MICALL1: variants seen among roughly 807,000 people sequenced by gnomAD.
MICALL1 encodes the protein MICAL like 1.
MICALL1 carries 61 observed loss-of-function variants against 83.7 expected under a neutral mutation model. That is an observed-to-expected ratio of 0.73 (90% CI 0.59 to 0.90). The LOEUF (loss-of-function observed/expected upper bound fraction) is 0.90. Among genes scored for constraint, MICALL1 ranks in the 40% least tolerant of loss-of-function variants. The pLI is 0.00. For synonymous variants in MICALL1, 481 were observed against 473.6 expected, an observed-to-expected ratio of 1.02 and a Z score of -0.20; for missense variants, 1,066 against 1,152.0, an observed-to-expected ratio of 0.93 and a Z score of 1.08.
At chr22:37,936,264 A>G (rs1034080550) in intron 13 of MICALL1, among the ~76,000 whole-genome samples, 5 of 152,142 alleles carry the variant, frequency 3.3e-5, no homozygotes, top group Admixed American at 1.3e-4. Flanking sequence ...CCCTGCCCCC[A>G]GCATCCCCTC....
Position 37,942,330 on chromosome 22 carries a change from C to T in MICALL1, c.*1500C>T, listed in dbSNP as rs550398092. 1,085 of 152,358 alleles carry T rather than the reference C, an allele frequency of 7.1e-3. 13 individuals carry two copies. Among genetic ancestry groups the T allele is most frequent in the Non-Finnish European group, 1.0e-2 (678 of 68,060 alleles). The allele number at this position is 152,358 out of a possible 1,614,324, so 9.4% of individuals were successfully genotyped here. On this transcript the variant is annotated 3_prime_UTR_variant, in exon 16 of 16. Coordinates refer to ENST00000215957, the MANE Select transcript of MICALL1 (RefSeq NM_033386.4). ...GAGTGACAGCTCTGACGGGCTGTTTCGGTGTCAGGAGACAAAGCTGGCAGG... is the reference window on the plus strand; with the variant it reads ...GAGTGACAGCTCTGACGGGCTGTTTTGGTGTCAGGAGACAAAGCTGGCAGG...
In MICALL1 at chr22:37,922,389, C is replaced by G; in HGVS notation, c.987C>G (p.Asn329Lys). 1.3e-6 allele frequency: 2 copies of G among 1,534,306 alleles called. No individual in the cohort carries two copies. The highest frequency in any genetic ancestry group is 8.7e-7 in the Non-Finnish European group (1 of 1,143,542). ...PRPRSSLQQE[N>K]LVEQAGSSSL... ...CCCGCTCCAGTCTGCAGCAGGAGAA[C>G]CTGGTGGAGCAGGCTGGCAGCAGCA... Residue 329 changes from asparagine (N) to lysine (K), a missense_variant, in exon 6 of 16, where the codon AAC (asparagine) becomes AAG (lysine). Transcript: ENST00000215957.
chr22:37,920,726 C>G (rs558236549), intron 5 of MICALL1, among the ~76,000 whole-genome samples: 1 of 152,030 alleles, frequency 6.6e-6, no homozygotes, highest in African/African-American at 2.4e-5. Context: ...TCGAAGCCAT[C>G]CTGGCTAACA....
At chr22:37,934,101 C>T (rs987169033) in intron 13 of MICALL1, among the ~76,000 whole-genome samples, 16 of 152,246 alleles carry the variant, frequency 1.1e-4, no homozygotes, top group African/African-American at 3.4e-4. Context: ...GTGGCCAGAG[C>T]GGGCACGGCT....
Position 37,942,188 on chromosome 22 carries a change from T to A in MICALL1, c.*1358T>A, listed in dbSNP as rs944781229. The A allele has an allele frequency of 1.3e-5, 2 of 152,192 alleles. No homozygotes were observed. Among genetic ancestry groups the A allele is most frequent in the African/African-American group, 4.8e-5 (2 of 41,448 alleles). 9.4% of individuals were successfully genotyped at this position (152,192 alleles called of 1,614,324 possible). ...GATCCCTTTCCTCTGCAGGGAGAGGTGGCTCCTCGGCCATGCAGCCCCTGG... is the reference window on the plus strand; with the variant it reads ...GATCCCTTTCCTCTGCAGGGAGAGGAGGCTCCTCGGCCATGCAGCCCCTGG... On this transcript the variant is annotated 3_prime_UTR_variant, in exon 16 of 16. Transcript: ENST00000215957.
At chr22:37,925,308 C>CT (rs1929351039) in intron 7 of MICALL1, among the ~76,000 whole-genome samples, 1 of 152,252 alleles carries the variant, frequency 6.6e-6, no homozygotes, top group South Asian at 2.1e-4. Flanking sequence ...TACACCAACC[C>CT]TGTGAGGCAA....
In MICALL1 at chr22:37,906,601, C is replaced by A; in HGVS notation, c.146+33C>A. 9.0e-7 allele frequency: 1 copy of A among 1,105,746 alleles called. No homozygotes were observed. Among genetic ancestry groups the A allele is most frequent in the Non-Finnish European group, 1.1e-6 (1 of 904,648 alleles). 68.5% of individuals were successfully genotyped at this position (1,105,746 alleles called of 1,614,324 possible). ...CGGGGCCCCGGGCGAGCGGGCGGCG[C>A]GGGGCGGGCTGGGGCCGCGACCGCC... On this transcript the variant is annotated intron_variant, in intron 1 of 15. Coordinates refer to ENST00000215957, the MANE Select transcript of MICALL1 (RefSeq NM_033386.4). This position sits in a 1 kb window ranked among gnomAD's most constrained non-coding sequence, Gnocchi z 4.4.
intron 1 of MICALL1, among the ~76,000 whole-genome samples, chr22:37,908,879 C>A (rs1182925038): frequency 6.6e-6 from 1 of 152,080 alleles, no homozygotes; most frequent in Non-Finnish European, 1.5e-5. Flanking sequence ...TGGCATGGGA[C>A]CCCATCTGAG....
chr22:37,913,938 C>T (rs1014609342), intron 3 of MICALL1, among the ~76,000 whole-genome samples: 10 of 150,070 alleles, frequency 6.7e-5, no homozygotes, highest in Non-Finnish European at 1.3e-4. Flanking sequence ...TGCGATGGCG[C>T]GATCTCGGCT....
At chr22:37,917,653 C>T (rs1928761310) in intron 3 of MICALL1, 54 bp from the exon 4 acceptor site, 4 of 1,570,174 alleles carry the variant, frequency 2.5e-6, no homozygotes, top group Non-Finnish European at 3.5e-6. Context: ...TTGGGACCTC[C>T]TGGGACTCCA....
At position 37,941,653 on chromosome 22, in the gene MICALL1, T is replaced by A. The variant is rs1301126561; in HGVS notation, c.*823T>A. 6.6e-6 allele frequency: 1 copy of A among 152,388 alleles called. No individual in the cohort carries two copies. The highest frequency in any genetic ancestry group is 1.5e-5 in the Non-Finnish European group (1 of 68,222). The allele number at this position is 152,388 out of a possible 1,614,324, so 9.4% of individuals were successfully genotyped here. Reference sequence around the variant, plus strand: ...CATCTCGGTTCCTTAACGTTTATAGTCTGACCCCTCACTTAGGCTTTCCTC... The same window carrying A: ...CATCTCGGTTCCTTAACGTTTATAGACTGACCCCTCACTTAGGCTTTCCTC... On this transcript the variant is annotated 3_prime_UTR_variant, in exon 16 of 16. Transcript: ENST00000215957.
At chr22:37,936,074 G>A (rs1245635337) in intron 13 of MICALL1, among the ~76,000 whole-genome samples, 1 of 152,204 alleles carries the variant, frequency 6.6e-6, no homozygotes, top group East Asian at 1.9e-4. Flanking sequence ...GGTAGATGTT[G>A]TGGAGGGAAG....
At chr22:37,917,201 G>A (rs781384609) in intron 3 of MICALL1, among the ~76,000 whole-genome samples, 2 of 152,176 alleles carry the variant, frequency 1.3e-5, no homozygotes, top group Non-Finnish European at 2.9e-5. Context: ...GGAACCCAGG[G>A]TGGGTGGGTT....
At chr22:37,925,189 G>A (rs531333764) in intron 7 of MICALL1, among the ~76,000 whole-genome samples, 339 of 152,306 alleles carry the variant, frequency 2.2e-3, no homozygotes, top group Non-Finnish European at 4.1e-3. Context: ...TCTGTAGGGA[G>A]CCAGGTGGGC....
chr22:37,937,743 CAGGG>C lies in MICALL1; in HGVS notation c.2425_2428del (p.Glu809LysfsTer10). On this transcript the variant is annotated splice_acceptor_variant and coding_sequence_variant, in exon 15 of 16. Coordinates refer to ENST00000215957, the MANE Select transcript of MICALL1 (RefSeq NM_033386.4). LOFTEE classifies it high-confidence loss of function. The stretch of plus-strand genomic sequence containing the variant: ...CCAGCTTAACTGCTGCTGCTTATTT[CAGGG>C]AGGAAGAGGAAGACAAGATGTTGGA... 1 of 1,613,104 alleles carries C rather than the reference CAGGG, an allele frequency of 6.2e-7. No individual in the cohort carries two copies. Among genetic ancestry groups the C allele is most frequent in the African/African-American group, 1.3e-5 (1 of 74,978 alleles).
Position 37,906,324 on chromosome 22 carries a change from G to T in MICALL1, c.-99G>T. 1 of 898,036 alleles carries T rather than the reference G, an allele frequency of 1.1e-6. No homozygotes were observed. The highest frequency in any genetic ancestry group is 1.3e-6 in the Non-Finnish European group (1 of 749,890). 55.6% of individuals were successfully genotyped at this position (898,036 alleles called of 1,614,324 possible). A position where few individuals can be genotyped will look rare whatever the true frequency, so the allele number is the denominator to read the frequency against. The stretch of plus-strand genomic sequence containing the variant: ...CTGCCGGTCGGCGCCCGAGCTCGGA[G>T]CCGCAGCCGCAGCCGGAAACCGGGC... On this transcript the variant is annotated 5_prime_UTR_variant, in exon 1 of 16. Transcript: ENST00000215957. The surrounding 1 kb of genome is among the most constrained non-coding windows in gnomAD (Gnocchi z 4.4).
At chr22:37,937,395 C>T (rs371332493) in intron 14 of MICALL1, among the ~76,000 whole-genome samples, 5 of 150,154 alleles carry the variant, frequency 3.3e-5, no homozygotes, top group African/African-American at 1.2e-4. Flanking sequence ...TCCTTCCTCC[C>T]GTAGGACTCT....
intron 5 of MICALL1, among the ~76,000 whole-genome samples, 182 bp downstream of exon 5, chr22:37,919,360 T>A (rs568913908): frequency 7.0e-4 from 107 of 152,358 alleles, no homozygotes; most frequent in Non-Finnish European, 1.3e-3. Flanking sequence ...AGCCACATGA[T>A]TCGAGACAGA....
intron 15 of MICALL1, 115 bp from the exon 16 acceptor site, chr22:37,940,594 G>A: frequency 7.7e-7 from 1 of 1,295,338 alleles, no homozygotes; most frequent in Non-Finnish European, 1.1e-6. Context: ...ACAGGAAGTG[G>A]TGGGGCTGGG....
Sources: allele counts gnomAD v4.1 joint callset (sites outside exome capture counted in the v4.1 genomes callset), GRCh38; gene constraint gnomAD v4.1.1; non-coding constraint Gnocchi (gnomAD v3.1); transcripts MANE v1.5; gene names NCBI Gene and HGNC (gene_info 2026-07-23, HGNC 2026-07-21).